ANKRD27: variants seen among roughly 807,000 people sequenced by gnomAD.
ANKRD27 encodes the protein ankyrin repeat domain-containing protein 27.
ANKRD27 carries 112 observed loss-of-function variants against 129.7 expected under a neutral mutation model. The observed-to-expected ratio is 0.86, with a 90% CI of 0.74 to 1.01. The LOEUF is 1.01. Ranked by LOEUF, ANKRD27 falls within the 50% of genes least tolerant of loss-of-function variation. The pLI is 0.00. For synonymous variants in ANKRD27, 516 were observed against 511.2 expected (o/e 1.01, Z -0.13); for missense variants, 1,258 against 1,300.5 (o/e 0.97, Z 0.50).
rs558346504 is a variant in ANKRD27 at position 32,597,961 on chromosome 19, T to C, written c.*184A>G. 10 of 602,558 alleles carry C rather than the reference T, an allele frequency of 1.7e-5. No individual in the cohort carries two copies. Among genetic ancestry groups the C allele is most frequent in the African/African-American group, 1.5e-4 (8 of 54,030 alleles). 37.3% of individuals were successfully genotyped at this position (602,558 alleles called of 1,614,324 possible). A position where few individuals can be genotyped will look rare whatever the true frequency, so the allele number is the denominator to read the frequency against. On this transcript the variant is annotated 3_prime_UTR_variant, in exon 29 of 29. Transcript: ENST00000306065. ...TCATTAGCTTTGAAGAGGAGAGAGA[T>C]GGTGGTGGTTAACTTTTTTGTTGCA...
intron 16 of ANKRD27, among the ~76,000 whole-genome samples, 192 bp downstream of exon 16, chr19:32,626,520 A>G (rs986936568): frequency 1.6e-5 from 2 of 127,042 alleles, no homozygotes; most frequent in African/African-American, 8.6e-5. Context: ...GGAGACTCAG[A>G]AAGTCTTCCC....
chr19:32,604,490 G>A, intron 24 of ANKRD27, 66 bp from the exon 25 acceptor site: 2 of 1,456,568 alleles, frequency 1.4e-6, no homozygotes, highest in Non-Finnish European at 1.8e-6. Context: ...CTGGCTGTGG[G>A]TATACAGGTA....
intron 26 of ANKRD27, among the ~76,000 whole-genome samples, chr19:32,601,096 T>A (rs569595110): frequency 1.3e-4 from 19 of 149,238 alleles, no homozygotes; most frequent in African/African-American, 4.7e-4. Flanking sequence ...GTCAGGAGTT[T>A]GAGACCAGCC....
intron 1 of ANKRD27, among the ~76,000 whole-genome samples, chr19:32,665,570 C>T (rs1967737010): frequency 6.6e-6 from 1 of 151,960 alleles, no homozygotes; most frequent in Non-Finnish European, 1.5e-5. Flanking sequence ...CGCCATTCTC[C>T]TGCCTCAGCC....
chr19:32,652,856 A>G (rs770340691), intron 2 of ANKRD27, among the ~76,000 whole-genome samples: 28 of 152,204 alleles, frequency 1.8e-4, no homozygotes, highest in Non-Finnish European at 3.4e-4. Flanking sequence ...TGAGTCCAGG[A>G]GGTGGAGGTT....
At chr19:32,647,371 G>A (rs1967323194) in intron 3 of ANKRD27, among the ~76,000 whole-genome samples, 1 of 152,236 alleles carries the variant, frequency 6.6e-6, no homozygotes, top group Non-Finnish European at 1.5e-5. Context: ...GGCACATGAT[G>A]TCAGCTTTTT....
In ANKRD27 at chr19:32,598,380, TAAAGAA is replaced by T. The variant is rs769729680; in HGVS notation, c.2920-8_2920-3del. 11 of 1,613,946 alleles carry T rather than the reference TAAAGAA, an allele frequency of 6.8e-6. 1 individual carries two copies. The South Asian group carries it at 7.7e-5, about 11-fold the overall frequency. On this transcript the variant is annotated splice_polypyrimidine_tract_variant and splice_region_variant and intron_variant, in intron 28 of 28. Transcript: ENST00000306065. ...CAGTGTGACACTTTGCCTCCCTGGCTAAAGAAAAAGTACATTTTTAACCGTTGACGT... is the reference window on the plus strand; with the variant it reads ...CAGTGTGACACTTTGCCTCCCTGGCTAAAGTACATTTTTAACCGTTGACGT...
intron 2 of ANKRD27, among the ~76,000 whole-genome samples, chr19:32,653,722 C>T (rs566457129): frequency 1.5e-3 from 46 of 31,638 alleles, no homozygotes; most frequent in African/African-American, 4.9e-3. Context: ...CGCTTCGAGG[C>T]GTGGCGTGGC....
intron 1 of ANKRD27, among the ~76,000 whole-genome samples, chr19:32,669,328 C>T (rs550309092): frequency 6.6e-6 from 1 of 152,306 alleles, no homozygotes; most frequent in Admixed American, 6.5e-5. Context: ...CCCAGGGGTG[C>T]CTCTGCAATA....
intron 18 of ANKRD27, among the ~76,000 whole-genome samples, chr19:32,622,076 G>A (rs569111859): frequency 1.3e-5 from 2 of 152,202 alleles, no homozygotes; most frequent in South Asian, 2.1e-4. Context: ...GTGAAGCACC[G>A]GGAAAAAAGA....
intron 21 of ANKRD27, 28 bp from the exon 22 acceptor site, chr19:32,615,808 A>C (rs1421374181): frequency 4.4e-6 from 7 of 1,605,680 alleles, no homozygotes; most frequent in Middle Eastern, 1.7e-4. Flanking sequence ...CGGAAACAGG[A>C]ACACATCCTC....
rs1967100465 is a variant in ANKRD27 at position 32,636,807 on chromosome 19, G to A, written c.1116+2549C>T. 2.0e-5 allele frequency among the ~76,000 whole-genome samples: 3 copies of A among 151,460 alleles called. No individual in the cohort carries two copies. In the South Asian group the frequency reaches 6.2e-4, roughly 32 times the overall value. On this transcript the variant is annotated intron_variant, in intron 12 of 28. Coordinates refer to ENST00000306065, the MANE Select transcript of ANKRD27 (RefSeq NM_032139.3). ...GTGTTGCTCAGACTAGAGTGCAGTG[G>A]TGTAACCTCAGCTCACTGCAACCTC...
intron 12 of ANKRD27, 175 bp downstream of exon 12, chr19:32,639,180 GA>G (rs1967146512): frequency 2.2e-5 from 15 of 672,150 alleles, no homozygotes; most frequent in Admixed American, 6.3e-5. Flanking sequence ...ACCACCAATT[GA>G]GGGCTTGGTG....
chr19:32,654,431 G>C (rs1458795533), intron 2 of ANKRD27, among the ~76,000 whole-genome samples: 1 of 152,234 alleles, frequency 6.6e-6, no homozygotes, highest in African/African-American at 2.4e-5. Flanking sequence ...ATCCCTTAGA[G>C]GTGACAGAAA....
intron 1 of ANKRD27, among the ~76,000 whole-genome samples, chr19:32,662,407 A>T (rs2145321753): frequency 6.6e-6 from 1 of 151,654 alleles, no homozygotes; most frequent in Admixed American, 6.6e-5. Context: ...AACAGGCAGA[A>T]TCGATGCTGT....
rs141153706 is a variant in ANKRD27, at chr19:32,607,786, C to T, written c.2222G>A (p.Ser741Asn). ...ATGCAGCGGGGAGGAGCCGTCCTGGCTGGTCACGTTCACACCAAGCCCACT... is the reference window on the plus strand; with the variant it reads ...ATGCAGCGGGGAGGAGCCGTCCTGGTTGGTCACGTTCACACCAAGCCCACT... Reference protein sequence around the residue: ...PASGLGVNVTSQDGSSPLHVA... With the variant: ...PASGLGVNVTNQDGSSPLHVA... The change falls in exon 23 of 29, where the codon AGC becomes AAC. Residue 741 changes from serine (S) to asparagine (N), a missense_variant. Ser to Asn is a conservative substitution (Grantham distance 46). Transcript: ENST00000306065. The T allele has an allele frequency of 4.1e-4, 665 of 1,611,386 alleles. 10 individuals carry two copies. In the South Asian group the frequency reaches 6.1e-3, roughly 15 times the overall value.
intron 4 of ANKRD27, 28 bp downstream of exon 4, chr19:32,646,431 G>A: frequency 6.3e-7 from 1 of 1,585,810 alleles, no homozygotes; most frequent in South Asian, 1.1e-5. Flanking sequence ...TCTAAAACAG[G>A]AGAAAAAGGT....
chr19:32,666,697 T>A (rs1276647410), intron 1 of ANKRD27, among the ~76,000 whole-genome samples: 1 of 142,768 alleles, frequency 7.0e-6, no homozygotes, highest in Non-Finnish European at 1.5e-5. Context: ...CAGGCTGGAG[T>A]GCAGTGGTGC....
chr19:32,621,553 AG>A (rs1972010215), intron 18 of ANKRD27, among the ~76,000 whole-genome samples: 1 of 152,136 alleles, frequency 6.6e-6, no homozygotes, highest in Admixed American at 6.6e-5. Context: ...ACTTGAACCT[AG>A]GAAGTGGAGG....
Sources: gnomAD v4.1 joint callset for allele counts (sites outside exome capture counted in the v4.1 genomes callset) on GRCh38, gnomAD v4.1.1 for gene constraint, MANE v1.5 for transcripts, NCBI Gene and HGNC (gene_info 2026-07-23, HGNC 2026-07-21) for gene names.